The following IGF2BP3 variants were observed in gnomAD, a reference collection of about 807,000 sequenced individuals.
IGF2BP3 encodes the protein insulin like growth factor 2 mRNA binding protein 3.
A neutral mutation model predicts 73.8 loss-of-function variants in IGF2BP3; 9 were observed. The ratio of observed to expected loss-of-function variants is 0.12; its 90% confidence interval spans 0.07 to 0.21. The LOEUF (loss-of-function observed/expected upper bound fraction) is 0.21, where lower values mean the gene tolerates loss of function less well. Ranked by LOEUF, IGF2BP3 falls within the 10% of genes least tolerant of loss-of-function variation. The probability of loss-of-function intolerance (pLI) is 1.00; values close to 1 mark genes in which losing one functional copy is unlikely to be tolerated. For missense variants in IGF2BP3, 542 were observed against 714.0 expected, an observed-to-expected ratio of 0.76 and a Z score of 2.75; for synonymous variants, 258 against 256.7, an observed-to-expected ratio of 1.01 and a Z score of -0.05.
At chr7:23,414,845 C>G (rs1787135907) in intron 3 of IGF2BP3, 1 of 175,056 alleles carries the variant, frequency 5.7e-6, no homozygotes. Flanking sequence ...CAGTCGACAT[C>G]AGCAGGCCCT....
At chr7:23,465,123 C>T (rs1788536028) in intron 2 of IGF2BP3, among the ~76,000 whole-genome samples, 1 of 152,164 alleles carries the variant, frequency 6.6e-6, no homozygotes, top group African/African-American at 2.4e-5. Flanking sequence ...TTTACATAAT[C>T]ACATAGGGGC....
intron 2 of IGF2BP3, among the ~76,000 whole-genome samples, chr7:23,456,684 G>C (rs1047887590): frequency 3.3e-5 from 5 of 152,140 alleles, no homozygotes; most frequent in Admixed American, 3.3e-4. Context: ...TTACTCAAAC[G>C]GTCTCACTGC....
intron 10 of IGF2BP3, among the ~76,000 whole-genome samples, chr7:23,319,918 C>CT (rs367871405): frequency 0.04 from 6,090 of 151,274 alleles, 190 homozygotes; most frequent in South Asian, 0.11. Context: ...CTTCCCTTTG[C>CT]TTTTTTTTTG....
intron 2 of IGF2BP3, among the ~76,000 whole-genome samples, chr7:23,428,875 A>C (rs1027440612): frequency 1.3e-5 from 2 of 152,138 alleles, no homozygotes; most frequent in African/African-American, 4.8e-5. Flanking sequence ...TGCTTGTATC[A>C]ATCTTTTTTG....
intron 10 of IGF2BP3, among the ~76,000 whole-genome samples, chr7:23,340,797 A>C (rs537231580): frequency 2.0e-4 from 31 of 152,122 alleles, no homozygotes; most frequent in Non-Finnish European, 4.0e-4. Context: ...GACCTCAAGG[A>C]AACTGCTATT....
chr7:23,318,851 G>C (rs1259362140), intron 11 of IGF2BP3, among the ~76,000 whole-genome samples: 1 of 152,198 alleles, frequency 6.6e-6, no homozygotes, highest in East Asian at 1.9e-4. Flanking sequence ...GGAACCAAGA[G>C]GGACCAAGGC....
chr7:23,426,305 A>G (rs1787508250), intron 2 of IGF2BP3, among the ~76,000 whole-genome samples: 1 of 133,776 alleles, frequency 7.5e-6, no homozygotes, highest in Non-Finnish European at 1.6e-5. Context: ...GGGCAGTAAG[A>G]GCAAAATTCT....
rs78129430 is a variant in IGF2BP3, at chr7:23,409,713, C to T, written c.285+9063G>A. On this transcript the variant is annotated intron_variant, in intron 3 of 14. Coordinates refer to ENST00000258729, the MANE Select transcript of IGF2BP3 (RefSeq NM_006547.3). ...AAAAATAAAACCACAGCCTGTGAAGCATACATTACATAAAAATTAACTCAA... is the reference window on the plus strand; with the variant it reads ...AAAAATAAAACCACAGCCTGTGAAGTATACATTACATAAAAATTAACTCAA... Among the ~76,000 whole-genome samples the T allele has an allele frequency of 2.6e-5, 4 of 152,242 alleles. No homozygotes were observed. The East Asian group carries it at 7.7e-4, about 29-fold the overall frequency.
chr7:23,417,072 A>T (rs1450202126), intron 3 of IGF2BP3, among the ~76,000 whole-genome samples: 1 of 152,174 alleles, frequency 6.6e-6, no homozygotes, highest in Non-Finnish European at 1.5e-5. Flanking sequence ...ACAAACAAAC[A>T]AACAAACAAA....
rs1169461434 is a variant in IGF2BP3 at position 23,351,410 on chromosome 7, G to A, written c.578C>T (p.Pro193Leu). Residue 193 changes from proline (P) to leucine (L), a missense_variant, in exon 6 of 15, where the codon CCA becomes CTA. This residue lies in a region of IGF2BP3 where 239 missense variants were observed against 241.9 expected (regional missense o/e 0.99). Transcript: ENST00000258729. ...GSPGSVSKQK[P>L]CDLPLRLLVP... ...CAGCAGGCGCAGAGGCAAATCACAT[G>A]GTTTCTGCTTGGATACGGATCCTGG... 1 of 1,613,774 alleles carries A rather than the reference G, an allele frequency of 6.2e-7. No homozygotes were observed. The highest frequency in any genetic ancestry group is 1.1e-5 in the South Asian group (1 of 91,044).
intron 3 of IGF2BP3, among the ~76,000 whole-genome samples, chr7:23,408,869 C>A (rs1786928813): frequency 6.6e-6 from 1 of 152,220 alleles, no homozygotes; most frequent in Non-Finnish European, 1.5e-5. Context: ...CTACACTTAA[C>A]TTTCAAAAGA....
intron 3 of IGF2BP3, chr7:23,405,068 A>T (rs1786785222): frequency 6.6e-6 from 1 of 152,230 alleles, no homozygotes; most frequent in South Asian, 2.1e-4. Context: ...CATTTCTTTT[A>T]AGAGGGTAAG....
chr7:23,460,391 G>A (rs1485322561), intron 2 of IGF2BP3, among the ~76,000 whole-genome samples: 1 of 151,758 alleles, frequency 6.6e-6, no homozygotes, highest in Non-Finnish European at 1.5e-5. Flanking sequence ...AATCAGCCAG[G>A]CATGGTGGCG....
chr7:23,338,350 A>G (rs1002163162), intron 10 of IGF2BP3, among the ~76,000 whole-genome samples: 12 of 152,174 alleles, frequency 7.9e-5, no homozygotes, highest in Admixed American at 5.9e-4. Context: ...ACTAGTAAAC[A>G]TTCTTTGTAG....
intron 3 of IGF2BP3, among the ~76,000 whole-genome samples, chr7:23,364,931 C>T (rs1292734961): frequency 2.6e-5 from 4 of 152,028 alleles, no homozygotes; most frequent in Non-Finnish European, 4.4e-5. Flanking sequence ...TTTGGGAGGC[C>T]GAGGCAGGTG....
rs548698336 is a variant in IGF2BP3 at position 23,334,876 on chromosome 7, C to A, written c.1203+7188G>T. ...GTGGGGGACAAAATCTAAGACATCA[C>A]AAAGGCATGGAGACATGCATGTCAG... On this transcript the variant is annotated intron_variant, in intron 10 of 14. Transcript: ENST00000258729. 1.3e-5 allele frequency among the ~76,000 whole-genome samples: 2 copies of A among 152,160 alleles called. 1 individual carries two copies. The highest frequency in any genetic ancestry group is 3.9e-4 in the East Asian group (2 of 5,168).
At chr7:23,313,718 G>C in intron 12 of IGF2BP3, 65 bp from the exon 13 acceptor site, 1 of 1,534,316 alleles carries the variant, frequency 6.5e-7, no homozygotes, top group Admixed American at 1.8e-5. Flanking sequence ...CAGTTAACTT[G>C]AAAGATGGCC....
intron 3 of IGF2BP3, among the ~76,000 whole-genome samples, chr7:23,400,682 C>T (rs12700430): frequency 0.25 from 37,840 of 152,200 alleles, 4,920 homozygotes; most frequent in South Asian, 0.34. Flanking sequence ...TGACTGTGTG[C>T]ATGGATCCAA....
intron 2 of IGF2BP3, chr7:23,450,798 G>C (rs1015231962): frequency 2.0e-5 from 3 of 152,180 alleles, no homozygotes; most frequent in Non-Finnish European, 4.4e-5. Flanking sequence ...CAACACTTTG[G>C]GGAGGCCAAG....
Sources: allele counts gnomAD v4.1 joint callset (sites outside exome capture counted in the v4.1 genomes callset), GRCh38; gene constraint gnomAD v4.1.1; regional missense constraint gnomAD v4.1.1; transcripts MANE v1.5; gene names NCBI Gene and HGNC (gene_info 2026-07-23, HGNC 2026-07-21).